PTPN9: variants seen among roughly 807,000 people sequenced by gnomAD.
PTPN9 encodes tyrosine-protein phosphatase non-receptor type 9.
In PTPN9, 26 loss-of-function variants were observed where a neutral mutation model predicts 69.8. That is an observed-to-expected ratio of 0.37 (90% CI 0.27 to 0.52). PTPN9 has a LOEUF of 0.52. PTPN9 is among the 20% of genes least tolerant of loss of function. The pLI is 0.91. For missense variants in PTPN9, 549 were observed against 740.3 expected (o/e 0.74, Z 3.00); for synonymous variants, 274 against 272.5 (o/e 1.01, Z -0.05).
intron 7 of PTPN9, among the ~76,000 whole-genome samples, chr15:75,499,606 A>G (rs1204037725): frequency 6.6e-6 from 1 of 151,606 alleles, no homozygotes; most frequent in Non-Finnish European, 1.5e-5. Context: ...GGGTTTCACC[A>G]TGTTGGCCAG....
At chr15:75,554,366 G>T (rs1229573899) in intron 1 of PTPN9, among the ~76,000 whole-genome samples, 1 of 151,778 alleles carries the variant, frequency 6.6e-6, no homozygotes, top group Non-Finnish European at 1.5e-5. Context: ...GGCTAATTTT[G>T]TATTTTTAGT....
intron 6 of PTPN9, 145 bp downstream of exon 6, chr15:75,508,772 G>A: frequency 3.2e-6 from 2 of 619,294 alleles, no homozygotes; most frequent in Non-Finnish European, 2.9e-6. Flanking sequence ...AATGCATCAG[G>A]TAGAGAATAT....
At chr15:75,478,919 T>C (rs1277364311) in intron 9 of PTPN9, among the ~76,000 whole-genome samples, 1 of 152,236 alleles carries the variant, frequency 6.6e-6, no homozygotes, top group African/African-American at 2.4e-5. Context: ...GATTTCCTCC[T>C]ACCATCTTTG....
chr15:75,528,343 C>T (rs757094309), intron 1 of PTPN9, among the ~76,000 whole-genome samples: 1 of 151,958 alleles, frequency 6.6e-6, no homozygotes, highest in Non-Finnish European at 1.5e-5. Context: ...AGACAAACTA[C>T]TTTTCTGTTT....
chr15:75,568,721 C>T (rs1023427247), intron 1 of PTPN9, among the ~76,000 whole-genome samples: 1 of 151,640 alleles, frequency 6.6e-6, no homozygotes, highest in African/African-American at 2.4e-5. Flanking sequence ...CTTGTAGTTC[C>T]AGCCACTATA....
chr15:75,503,488 C>A (rs1377343719), intron 7 of PTPN9, among the ~76,000 whole-genome samples: 7 of 149,070 alleles, frequency 4.7e-5, no homozygotes, highest in Non-Finnish European at 9.0e-5. Context: ...GGCAGCCACC[C>A]CGTCTGGGAA....
intron 1 of PTPN9, among the ~76,000 whole-genome samples, chr15:75,576,321 C>T (rs1179032867): frequency 6.6e-6 from 1 of 151,900 alleles, no homozygotes; most frequent in Non-Finnish European, 1.5e-5. Context: ...CACCTGAGGC[C>T]AGGAGTATGA....
In PTPN9 at chr15:75,466,507, C is replaced by T. The variant is rs1478314234; in HGVS notation, c.*2262G>A. On this transcript the variant is annotated 3_prime_UTR_variant, in exon 13 of 13. Coordinates refer to ENST00000618819, the MANE Select transcript of PTPN9 (RefSeq NM_002833.4). Reference sequence around the variant, plus strand: ...TGGAGTCTCCTGGGGAGAATGATAACCCCTTTGGTACGCTGCAGACATGAG... The same window carrying T: ...TGGAGTCTCCTGGGGAGAATGATAATCCCTTTGGTACGCTGCAGACATGAG... 3 of 152,170 alleles carry T rather than the reference C, an allele frequency of 2.0e-5. No homozygotes were observed. Among genetic ancestry groups the T allele is most frequent in the Non-Finnish European group, 4.4e-5 (3 of 68,042 alleles). The allele number at this position is 152,170 out of a possible 1,614,324, so 9.4% of individuals were successfully genotyped here.
intron 7 of PTPN9, 55 bp from the exon 8 acceptor site, chr15:75,490,356 A>T (rs1429559765): frequency 1.5e-6 from 2 of 1,297,690 alleles, no homozygotes; most frequent in Non-Finnish European, 2.2e-6. Flanking sequence ...GACAGTATGT[A>T]TGTACAAAAT....
rs531320798 is a variant in PTPN9 at position 75,468,641 on chromosome 15, G to A, written c.*128C>T. On this transcript the variant is annotated 3_prime_UTR_variant, in exon 13 of 13. Coordinates refer to ENST00000618819, the MANE Select transcript of PTPN9 (RefSeq NM_002833.4). Reference sequence around the variant, plus strand: ...GGGAAAGGCTGCCTTGCGTGCACACGTGTGCTGGGAGACACAAGAAAGAAG... The same window carrying A: ...GGGAAAGGCTGCCTTGCGTGCACACATGTGCTGGGAGACACAAGAAAGAAG... The A allele has an allele frequency of 3.4e-5, 28 of 812,714 alleles. No individual in the cohort carries two copies. Among genetic ancestry groups the A allele is most frequent in the Non-Finnish European group, 4.6e-5 (23 of 495,964 alleles). The allele number at this position is 812,714 out of a possible 1,614,324, so 50.3% of individuals were successfully genotyped here.
chr15:75,482,774 TA>T (rs1323913652), intron 8 of PTPN9, among the ~76,000 whole-genome samples: 15 of 147,554 alleles, frequency 1.0e-4, no homozygotes, highest in Non-Finnish European at 6.0e-5. Context: ...GAATTATCAA[TA>T]AAAAAATAAA....
intron 1 of PTPN9, among the ~76,000 whole-genome samples, chr15:75,569,326 T>C (rs2075138991): frequency 6.6e-6 from 1 of 152,162 alleles, no homozygotes; most frequent in Non-Finnish European, 1.5e-5. Flanking sequence ...TTACTATGTC[T>C]TTTCCAAGAC....
At position 75,508,975 on chromosome 15, in the gene PTPN9, C is replaced by G; in HGVS notation, c.581G>C (p.Trp194Ser). 6.2e-7 allele frequency: 1 copy of G among 1,614,170 alleles called. No individual in the cohort carries two copies. The highest frequency in any genetic ancestry group is 2.2e-5 in the East Asian group (1 of 44,890). The change falls in exon 6 of 13, where the codon TGG becomes TCG. Residue 194 changes from tryptophan to serine, a missense_variant. This residue lies in a region of PTPN9 where 457 missense variants were observed against 661.9 expected (regional missense o/e 0.69). Coordinates refer to ENST00000618819, the MANE Select transcript of PTPN9 (RefSeq NM_002833.4). ...KKVLIVGAPI[W>S]FRVPYSIISL... The stretch of plus-strand genomic sequence containing the variant: ...GATGATGGAATAGGGCACTCGGAAC[C>G]ATATGGGTGCCCCCACAATCAGCAC...
intron 1 of PTPN9, among the ~76,000 whole-genome samples, chr15:75,556,698 A>G (rs1354637326): frequency 6.6e-6 from 1 of 152,200 alleles, no homozygotes; most frequent in Admixed American, 6.5e-5. Flanking sequence ...ATTGTGGTAA[A>G]ATATACCTAA....
At position 75,466,411 on chromosome 15, in the gene PTPN9, G is replaced by A. The variant is rs1481975811; in HGVS notation, c.*2358C>T. The A allele has an allele frequency of 1.3e-5, 2 of 152,168 alleles. No individual in the cohort carries two copies. Among genetic ancestry groups the A allele is most frequent in the Non-Finnish European group, 2.9e-5 (2 of 68,042 alleles). 9.4% of individuals were successfully genotyped at this position (152,168 alleles called of 1,614,324 possible). ...TGGTCTTCCATGTACAAAGCTTCTG[G>A]TTCCTTTCTTTCTAAGAGATAAATG... is the stretch of plus-strand genomic sequence containing the variant. On this transcript the variant is annotated 3_prime_UTR_variant, in exon 13 of 13. Transcript: ENST00000618819.
intron 1 of PTPN9, among the ~76,000 whole-genome samples, chr15:75,530,770 AATT>A (rs1344607526): frequency 6.3e-5 from 5 of 79,816 alleles, no homozygotes; most frequent in Admixed American, 4.7e-4. Context: ...ATATTATTAT[AATT>A]ATTATAATAT....
chr15:75,578,434 C>G (rs2075183566), intron 1 of PTPN9, among the ~76,000 whole-genome samples: 1 of 152,172 alleles, frequency 6.6e-6, no homozygotes, highest in South Asian at 2.1e-4. Context: ...ATCCAAGGAA[C>G]TTTGCCCCTG....
chr15:75,498,050 G>T (rs764584197), intron 7 of PTPN9, among the ~76,000 whole-genome samples: 2 of 151,144 alleles, frequency 1.3e-5, no homozygotes, highest in Non-Finnish European at 2.9e-5. Context: ...AAAAAAATTA[G>T]CTGGGCGTGG....
chr15:75,545,844 G>A (rs2075030155), intron 1 of PTPN9, among the ~76,000 whole-genome samples: 2 of 152,178 alleles, frequency 1.3e-5, no homozygotes, highest in African/African-American at 4.8e-5. Context: ...AGCTACTTGG[G>A]AAGCTGAGGC....
Sources: allele counts gnomAD v4.1 joint callset (sites outside exome capture counted in the v4.1 genomes callset), GRCh38; gene constraint gnomAD v4.1.1; regional missense constraint gnomAD v4.1.1; transcripts MANE v1.5; gene names NCBI Gene and HGNC (gene_info 2026-07-23, HGNC 2026-07-21).